Variants in FERMT3 observed in about 807,000 individuals in gnomAD.
FERMT3 encodes the protein fermitin family homolog 3.
Under a neutral mutation model 80.8 loss-of-function variants are expected in FERMT3, and 33 were observed. The ratio of observed to expected loss-of-function variants is 0.41; its 90% CI spans 0.31 to 0.55. FERMT3 has a LOEUF of 0.55. Among genes scored for constraint, FERMT3 ranks in the 20% least tolerant of loss-of-function variants. The pLI is 0.31. For synonymous variants in FERMT3, 375 were observed against 372.2 expected, an observed-to-expected ratio of 1.01 and a Z score of -0.09; for missense variants, 754 against 908.7, an observed-to-expected ratio of 0.83 and a Z score of 2.19.
chr11:64,207,359 G>A lies in FERMT3; in HGVS notation c.-6G>A, dbSNP rs1412649492. ...TTCCACACTCTCTGTAGCAGCAGCC[G>A]CAGCCATGGCGGGGATGAAGACAGC... is the stretch of plus-strand genomic sequence containing the variant. On this transcript the variant is annotated 5_prime_UTR_variant, in exon 2 of 15. Coordinates refer to ENST00000345728, the MANE Select transcript of FERMT3 (RefSeq NM_031471.6). 6.8e-6 allele frequency: 11 copies of A among 1,614,052 alleles called. No homozygotes were observed. The highest frequency in any genetic ancestry group is 4.0e-5 in the African/African-American group (3 of 74,948).
chr11:64,207,336 C>T lies in FERMT3; in HGVS notation c.-14-15C>T. 1.2e-6 allele frequency: 2 copies of T among 1,614,098 alleles called. No individual in the cohort carries two copies. Among genetic ancestry groups the T allele is most frequent in the Non-Finnish European group, 1.7e-6 (2 of 1,179,990 alleles). On this transcript the variant is annotated splice_polypyrimidine_tract_variant and intron_variant, in intron 1 of 14. Transcript: ENST00000345728. ...CAGGGCCTGCCCACCTTGCCTCCTT[C>T]CACACTCTCTGTAGCAGCAGCCGCA...
chr11:64,220,092 T>C, intron 10 of FERMT3, 77 bp downstream of exon 10: 2 of 1,588,042 alleles, frequency 1.3e-6, no homozygotes. Context: ...TCACCGGCCC[T>C]GTTTCCTCCT....
upstream of FERMT3, among the ~76,000 whole-genome samples, chr11:64,206,006 T>C (rs143686177): frequency 6.2e-4 from 94 of 152,300 alleles, 1 homozygote; most frequent in Non-Finnish European, 1.1e-3. Context: ...CAGGAGGGTA[T>C]AGACCACCAG....
chr11:64,222,415 A>G (rs1946717504), intron 13 of FERMT3, among the ~76,000 whole-genome samples: 1 of 150,912 alleles, frequency 6.6e-6, no homozygotes, highest in African/African-American at 2.4e-5. Context: ...AAACACAAAA[A>G]TCAGCCACAA....
At position 64,223,825 on chromosome 11, in the gene FERMT3, A is replaced by G; in HGVS notation, c.*333A>G. ...ACAGGATGATGAAACATGGTTTCAA[A>G]CGAGTTCTTTCTTGTTACTTTTTAA... On this transcript the variant is annotated 3_prime_UTR_variant, in exon 15 of 15. Transcript: ENST00000345728. 7.8e-7 allele frequency: 1 copy of G among 1,280,646 alleles called. No homozygotes were observed. The highest frequency in any genetic ancestry group is 1.1e-6 in the Non-Finnish European group (1 of 920,190). 79.3% of individuals were successfully genotyped at this position (1,280,646 alleles called of 1,614,324 possible).
chr11:64,219,371 C>G lies in FERMT3; in HGVS notation c.894+13C>G, dbSNP rs954540776. 4 of 1,582,486 alleles carry G rather than the reference C, an allele frequency of 2.5e-6. No individual in the cohort carries two copies. Among genetic ancestry groups the G allele is most frequent in the Non-Finnish European group, 3.4e-6 (4 of 1,165,008 alleles). ...TGCCGCCCTGCAGGTACCAGGCGGG[C>G]CTGGGGGCACCAGGGCAGGTGGGAG... On this transcript the variant is annotated intron_variant, in intron 7 of 14. Transcript: ENST00000345728. This position sits in a 1 kb window ranked among gnomAD's most constrained non-coding sequence, Gnocchi z 4.0.
In FERMT3 at chr11:64,210,788, G is replaced by T; in HGVS notation, c.338G>T (p.Arg113Leu). 6.2e-7 allele frequency: 1 copy of T among 1,613,922 alleles called. No individual in the cohort carries two copies. Among genetic ancestry groups the T allele is most frequent in the East Asian group, 2.2e-5 (1 of 44,876 alleles). The change falls in exon 3 of 15, where the codon CGT becomes CTT. Residue 113 changes from arginine to leucine, a missense_variant. Physicochemically the swap from Arg to Leu is moderately radical, Grantham distance 102 (BLOSUM62 -2). Transcript: ENST00000345728. The surrounding 1 kb of genome is among the most constrained non-coding windows in gnomAD (Gnocchi z 4.3). ...CCCAACCGCCGCGCACTGCGCCTCC[G>T]TGCCAGCTTCTCCCAGCCCCTCTTC... is the stretch of plus-strand genomic sequence containing the variant. ...RLPNRRALRL[R>L]ASFSQPLFQA...
In FERMT3 at chr11:64,219,886, C is replaced by T. The variant is rs143722885; in HGVS notation, c.1080-5C>T. On this transcript the variant is annotated splice_region_variant and splice_polypyrimidine_tract_variant and intron_variant, in intron 9 of 14. Coordinates refer to ENST00000345728, the MANE Select transcript of FERMT3 (RefSeq NM_031471.6). The surrounding 1 kb of genome is among the most constrained non-coding windows in gnomAD (Gnocchi z 4.0). ...GCCTTTCACAAACCCCAGCATCCCA[C>T]GAAGGCCCCGGAAGCTGACCCTGAA... 162 of 1,613,778 alleles carry T rather than the reference C, an allele frequency of 1.0e-4. No homozygotes were observed. The highest frequency in any genetic ancestry group is 1.5e-4 in the Admixed American group (9 of 60,008).
chr11:64,217,361 T>TA (rs1946573719), intron 6 of FERMT3, among the ~76,000 whole-genome samples: 1 of 152,126 alleles, frequency 6.6e-6, no homozygotes, highest in Admixed American at 6.6e-5. Context: ...ACCAGCCTGA[T>TA]CAACATGGAG....
In FERMT3 at chr11:64,207,409, A is replaced by G. The variant is rs747984187; in HGVS notation, c.45A>G (p.Ser15=). Residue 15 remains serine, a synonymous_variant, in exon 2 of 15, where the codon TCA becomes TCG. Transcript: ENST00000345728. ...CCTCCGGGGACTACATCGACTCGTC[A>G]TGGGAGCTGCGGGTGTTTGTGGGAG... ...KTASGDYIDS[S]WELRVFVGEE... is the part of the protein sequence containing the mutation. 9 of 1,614,032 alleles carry G rather than the reference A, an allele frequency of 5.6e-6. No individual in the cohort carries two copies. The highest frequency in any genetic ancestry group is 2.7e-5 in the African/African-American group (2 of 74,928).
intron 6 of FERMT3, among the ~76,000 whole-genome samples, chr11:64,212,861 G>A (rs1591030019): frequency 6.6e-6 from 1 of 151,830 alleles, no homozygotes; most frequent in Admixed American, 6.6e-5. Context: ...CAGCTCAGAT[G>A]TCTCTCTCCT....
chr11:64,223,083 T>C lies in FERMT3; in HGVS notation c.1706T>C (p.Ile569Thr). 6.2e-7 allele frequency: 1 copy of C among 1,613,800 alleles called. No individual in the cohort carries two copies. The highest frequency in any genetic ancestry group is 8.5e-7 in the Non-Finnish European group (1 of 1,180,032). ...AGCAGGAAAGACGAGATCCTGGGCA[T>C]CGCCAACAACCGACTGATCCGCATC... The part of the protein sequence containing the change: ...KGSRKDEILG[I>T]ANNRLIRIDL... Residue 569 changes from isoleucine to threonine, a missense_variant, in exon 14 of 15, where the codon ATC becomes ACC. Ile to Thr is a moderately conservative substitution (Grantham distance 89). Transcript: ENST00000345728.
rs1187023090 is a variant in FERMT3 at position 64,210,854 on chromosome 11, C to T, written c.394+10C>T. On this transcript the variant is annotated intron_variant, in intron 3 of 14. Coordinates refer to ENST00000345728, the MANE Select transcript of FERMT3 (RefSeq NM_031471.6). This position sits in a 1 kb window ranked among gnomAD's most constrained non-coding sequence, Gnocchi z 4.3. ...ATCTGCCGCCTCCTCAGTAAGTTGCCCGGCTGATTCCCCTGGCCCACGAGG... is the reference window on the plus strand; with the variant it reads ...ATCTGCCGCCTCCTCAGTAAGTTGCTCGGCTGATTCCCCTGGCCCACGAGG... 6.2e-7 allele frequency: 1 copy of T among 1,610,618 alleles called. No individual in the cohort carries two copies. Among genetic ancestry groups the T allele is most frequent in the Non-Finnish European group, 8.5e-7 (1 of 1,179,956 alleles).
chr11:64,211,170 G>A lies in FERMT3; in HGVS notation c.513G>A (p.Gly171=). Reference sequence around the variant, plus strand: ...ACTTGAGCAAGGTTGTCTTGGCTGGGGGTGAGTGCAAGTGGGGGTGGGCCT... The same window carrying A: ...ACTTGAGCAAGGTTGTCTTGGCTGGAGGTGAGTGCAAGTGGGGGTGGGCCT... ...LYDLSKVVLA[G]GVAPALFRGM... Residue 171 remains glycine, a splice_region_variant and synonymous_variant, in exon 4 of 15, where the codon GGG becomes GGA. Coordinates refer to ENST00000345728, the MANE Select transcript of FERMT3 (RefSeq NM_031471.6). The surrounding 1 kb of genome is among the most constrained non-coding windows in gnomAD (Gnocchi z 4.7). The A allele has an allele frequency of 6.4e-7, 1 of 1,551,646 alleles. No homozygotes were observed.
At chr11:64,223,210 T>C (rs1245152575) in intron 14 of FERMT3, 21 bp downstream of exon 14, 11 of 1,613,614 alleles carry the variant, frequency 6.8e-6, no homozygotes, top group Non-Finnish European at 9.3e-6. Flanking sequence ...ACCCAGGGTA[T>C]ATGGATGGGG....
intron 6 of FERMT3, among the ~76,000 whole-genome samples, chr11:64,212,542 T>C (rs1946465437): frequency 6.6e-6 from 1 of 152,230 alleles, no homozygotes; most frequent in Non-Finnish European, 1.5e-5. Flanking sequence ...ATCTGTTCCC[T>C]GGCCATGTCC....
Position 64,220,468 on chromosome 11 carries a change from C to G in FERMT3, c.1344C>G (p.Cys448Trp), listed in dbSNP as rs1591040044. 1 of 1,609,824 alleles carries G rather than the reference C, an allele frequency of 6.2e-7. No individual in the cohort carries two copies. Among genetic ancestry groups the G allele is most frequent in the East Asian group, 2.2e-5 (1 of 44,770 alleles). ...AGTATGCCCGCTGGATGGCTGGCTG[C>G]CGCCTGGCCTCCAAAGGCCGCACCA... ...EQQYARWMAGCRLASKGRTMA... is the reference protein window; with the variant it reads ...EQQYARWMAGWRLASKGRTMA... Residue 448 changes from cysteine to tryptophan, a missense_variant, in exon 12 of 15, where the codon TGC becomes TGG. Transcript: ENST00000345728.
At chr11:64,216,552 T>G (rs1946555492) in intron 6 of FERMT3, among the ~76,000 whole-genome samples, 1 of 145,492 alleles carries the variant, frequency 6.9e-6, no homozygotes, top group Non-Finnish European at 1.5e-5. Context: ...ATCCCAGCAC[T>G]TTGGGAGGCC....
chr11:64,215,640 C>G (rs1185437423), intron 6 of FERMT3, among the ~76,000 whole-genome samples: 2 of 152,078 alleles, frequency 1.3e-5, no homozygotes, highest in African/African-American at 2.4e-5. Flanking sequence ...GTGGTGCGAT[C>G]ATAGCTCACT....
Sources: allele counts gnomAD v4.1 joint callset (sites outside exome capture counted in the v4.1 genomes callset), GRCh38; gene constraint gnomAD v4.1.1; non-coding constraint Gnocchi (gnomAD v3.1); transcripts MANE v1.5; gene names NCBI Gene and HGNC (gene_info 2026-07-23, HGNC 2026-07-21).